SFSWAP: variants seen among roughly 807,000 people sequenced by gnomAD.
The protein encoded by SFSWAP is splicing factor, suppressor of white-apricot homolog.
In SFSWAP, 17 loss-of-function variants were observed where a neutral mutation model predicts 100.7. That is an observed-to-expected ratio of 0.17 (90% CI 0.12 to 0.25). The LOEUF (loss-of-function observed/expected upper bound fraction) is 0.25, where lower values mean the gene tolerates loss of function less well. SFSWAP is among the 10% of genes least tolerant of loss of function. The pLI is 1.00. For synonymous variants in SFSWAP, 504 were observed against 510.1 expected, an observed-to-expected ratio of 0.99 and a Z score of 0.16; for missense variants, 1,005 against 1,262.6, an observed-to-expected ratio of 0.80 and a Z score of 3.09.
chr12:131,783,816 ATATAT>A (rs1884691019), intron 14 of SFSWAP: 1 of 136,206 alleles, frequency 7.3e-6, no homozygotes, highest in African/African-American at 2.6e-5. Flanking sequence ...ATATATATAT[ATATAT>A]AATTCTTTGT....
At position 131,722,547 on chromosome 12, in the gene SFSWAP, A is replaced by T. The variant is rs1222813312; in HGVS notation, c.607-2858A>T. Among the ~76,000 whole-genome samples, 4 of 152,186 alleles carry T rather than the reference A, an allele frequency of 2.6e-5. No homozygotes were observed. In the East Asian group the frequency reaches 7.7e-4, roughly 29 times the overall value. On this transcript the variant is annotated intron_variant, in intron 4 of 17. Coordinates refer to ENST00000261674, the MANE Select transcript of SFSWAP (RefSeq NM_004592.4). The stretch of plus-strand genomic sequence containing the variant: ...ATAGTTGCTGTTGTGTGCAACGCTT[A>T]TTCTGTTGATGAATAATAACATAGA...
chr12:131,780,247 G>A (rs754751277), intron 14 of SFSWAP, among the ~76,000 whole-genome samples: 1 of 152,032 alleles, frequency 6.6e-6, no homozygotes, highest in Non-Finnish European at 1.5e-5. Flanking sequence ...CCTTATACAC[G>A]CAAAAAAGAA....
In SFSWAP at chr12:131,711,159, A is replaced by C; in HGVS notation, c.-71A>C. The C allele has an allele frequency of 1.2e-4, 146 of 1,188,828 alleles. No individual in the cohort carries two copies. The highest frequency in any genetic ancestry group is 1.6e-4 in the Non-Finnish European group (138 of 857,488). The allele number at this position is 1,188,828 out of a possible 1,614,324, so 73.6% of individuals were successfully genotyped here. ...ATGCGGGGTCTTTGACTGAAGGGGT[A>C]GGCCAAGTGGAGGTATCAGGGACGT... On this transcript the variant is annotated 5_prime_UTR_variant, in exon 1 of 18. Coordinates refer to ENST00000261674, the MANE Select transcript of SFSWAP (RefSeq NM_004592.4). The surrounding 1 kb of genome is among the most constrained non-coding windows in gnomAD (Gnocchi z 4.9).
At chr12:131,756,004 T>C (rs1882123179) in intron 10 of SFSWAP, among the ~76,000 whole-genome samples, 1 of 152,372 alleles carries the variant, frequency 6.6e-6, no homozygotes, top group South Asian at 2.1e-4. Context: ...GCCTTTGCTC[T>C]GCTCTTCTCA....
chr12:131,746,122 G>T (rs949481184), intron 7 of SFSWAP, among the ~76,000 whole-genome samples: 1 of 152,242 alleles, frequency 6.6e-6, no homozygotes, highest in Non-Finnish European at 1.5e-5. Context: ...TGAACCATTA[G>T]CCTGAATTGG....
intron 15 of SFSWAP, among the ~76,000 whole-genome samples, chr12:131,788,037 C>T (rs1394138149): frequency 2.0e-5 from 3 of 152,174 alleles, no homozygotes; most frequent in Non-Finnish European, 4.4e-5. Flanking sequence ...TGTTAGCATC[C>T]ATCCCTTAAA....
chr12:131,718,193 C>A (rs539266182), intron 3 of SFSWAP, among the ~76,000 whole-genome samples: 1 of 152,304 alleles, frequency 6.6e-6, no homozygotes, highest in African/African-American at 2.4e-5. Flanking sequence ...TACCAGGAAA[C>A]CTGCTTAAAA....
chr12:131,727,768 A>G (rs886727124), intron 6 of SFSWAP, among the ~76,000 whole-genome samples: 4 of 152,194 alleles, frequency 2.6e-5, no homozygotes, highest in African/African-American at 4.8e-5. Flanking sequence ...TTTCACTTCT[A>G]ATTCTCCCCT....
chr12:131,783,792 T>TTTTATATATATATATATATATATATATA (rs1312028614), intron 14 of SFSWAP: 31 of 86,674 alleles, frequency 3.6e-4, no homozygotes, highest in Admixed American at 1.5e-3. Context: ...AAAAAACATT[T>TTTTATATATATATATATATATATATATA]TATATATATA....
At chr12:131,746,940 T>C (rs1177488863) in intron 7 of SFSWAP, among the ~76,000 whole-genome samples, 1 of 151,896 alleles carries the variant, frequency 6.6e-6, no homozygotes, top group Non-Finnish European at 1.5e-5. Flanking sequence ...CGGTCTCTAC[T>C]AAAAATACAA....
chr12:131,711,109 C>G lies in SFSWAP; in HGVS notation c.-121C>G. 1 of 767,004 alleles carries G rather than the reference C, an allele frequency of 1.3e-6. No homozygotes were observed. Among genetic ancestry groups the G allele is most frequent in the Non-Finnish European group, 2.0e-6 (1 of 493,500 alleles). 47.5% of individuals were successfully genotyped at this position (767,004 alleles called of 1,614,324 possible). A position where few individuals can be genotyped will look rare whatever the true frequency, so the allele number is the denominator to read the frequency against. ...TCCACCATTTTGTGGCCCGCTATGG[C>G]GGCGGTGTTGAGGTTGGGTACGGGA... is the stretch of plus-strand genomic sequence containing the variant. On this transcript the variant is annotated 5_prime_UTR_variant, in exon 1 of 18. Coordinates refer to ENST00000261674, the MANE Select transcript of SFSWAP (RefSeq NM_004592.4). The surrounding 1 kb of genome is among the most constrained non-coding windows in gnomAD (Gnocchi z 4.9).
chr12:131,782,702 A>T (rs1247671433), intron 14 of SFSWAP, among the ~76,000 whole-genome samples: 7 of 152,230 alleles, frequency 4.6e-5, no homozygotes, highest in Non-Finnish European at 1.5e-5. Flanking sequence ...AGCACAACGA[A>T]TATTTATTTA....
rs540040897 is a variant in SFSWAP at position 131,759,741 on chromosome 12, G to T, written c.1720+3097G>T. ...GGCGTGAACCCGGGAGGCGGAGCTT[G>T]CAGTGAACCGAGACTGCGCCACTGT... On this transcript the variant is annotated intron_variant, in intron 11 of 17. Transcript: ENST00000261674. Among the ~76,000 whole-genome samples, 191 of 151,990 alleles carry T rather than the reference G, an allele frequency of 1.3e-3. 1 individual carries two copies. The Middle Eastern group carries it at 0.024, about 19-fold the overall frequency.
chr12:131,774,474 C>T (rs1379619757), intron 13 of SFSWAP, among the ~76,000 whole-genome samples: 1 of 152,168 alleles, frequency 6.6e-6, no homozygotes, highest in Non-Finnish European at 1.5e-5. Flanking sequence ...TTAATGCTCT[C>T]ATAAATGACC....
chr12:131,762,022 C>T (rs538191912), intron 11 of SFSWAP, among the ~76,000 whole-genome samples: 3 of 152,238 alleles, frequency 2.0e-5, no homozygotes, highest in Admixed American at 2.0e-4. Flanking sequence ...CACCTGAGGT[C>T]AGGAGTTCGA....
Position 131,753,209 on chromosome 12 carries a change from A to G in SFSWAP, c.1168A>G (p.Thr390Ala), listed in dbSNP as rs1347827464. 6.2e-7 allele frequency: 1 copy of G among 1,614,144 alleles called. No individual in the cohort carries two copies. The highest frequency in any genetic ancestry group is 8.5e-7 in the Non-Finnish European group (1 of 1,180,018). The change falls in exon 8 of 18, where the codon ACT becomes GCT. Residue 390 changes from threonine to alanine, a missense_variant. Coordinates refer to ENST00000261674, the MANE Select transcript of SFSWAP (RefSeq NM_004592.4). ...LAPPPPGIDV[T>A]TYYSTLPAGV... The stretch of plus-strand genomic sequence containing the variant: ...GCCGCCCCCTCCCGGAATCGACGTG[A>G]CTACTTACTACAGCACCCTTCCTGC...
chr12:131,778,204 A>C lies in SFSWAP; in HGVS notation c.2282A>C (p.His761Pro). 1 of 1,614,150 alleles carries C rather than the reference A, an allele frequency of 6.2e-7. No homozygotes were observed. The highest frequency in any genetic ancestry group is 8.5e-7 in the Non-Finnish European group (1 of 1,180,006). Residue 761 changes from histidine to proline, a missense_variant, in exon 14 of 18, where the codon CAC becomes CCC. Around this residue, in one of 7 missense-constraint regions of SFSWAP, gnomAD observed 295 missense variants for 347.9 expected, o/e 0.85. Transcript: ENST00000261674. This position sits in a 1 kb window ranked among gnomAD's most constrained non-coding sequence, Gnocchi z 4.2. ...GAGAAAGAAAAGAAAAAGAAAAAGC[A>C]CAAAAAAAGATCTCGAACAAGATCA... ...EEEKEKKKKK[H>P]KKRSRTRSRS... is the part of the protein sequence containing the mutation.
In SFSWAP at chr12:131,733,407, C is replaced by T. The variant is rs940649716; in HGVS notation, c.1081+4979C>T. ...AGCTTTGCAGGGAGCGGCAGTTTGT[C>T]ATTTGTAGGAGGAAATTTCACGATC... On this transcript the variant is annotated intron_variant, in intron 7 of 17. Transcript: ENST00000261674. The surrounding 1 kb of genome is among the most constrained non-coding windows in gnomAD (Gnocchi z 5.1). Among the ~76,000 whole-genome samples, 29 of 152,118 alleles carry T rather than the reference C, an allele frequency of 1.9e-4. No individual in the cohort carries two copies. The highest frequency in any genetic ancestry group is 1.8e-3 in the Admixed American group (27 of 15,292).
At chr12:131,793,764 C>T (rs540903892) in intron 15 of SFSWAP, among the ~76,000 whole-genome samples, 12 of 152,146 alleles carry the variant, frequency 7.9e-5, no homozygotes, top group Non-Finnish European at 1.2e-4. Context: ...TGAAGCCAGC[C>T]GACTTGACAG....
Sources: gnomAD v4.1 joint callset for allele counts (sites outside exome capture counted in the v4.1 genomes callset) on GRCh38, gnomAD v4.1.1 for gene constraint, gnomAD v4.1.1 regional missense constraint, Gnocchi (gnomAD v3.1) non-coding constraint, MANE v1.5 for transcripts, NCBI Gene and HGNC (gene_info 2026-07-23, HGNC 2026-07-21) for gene names.